The following HERC2 variants were observed in gnomAD, a reference collection of about 807,000 sequenced individuals.
HERC2 encodes the protein E3 ubiquitin-protein ligase HERC2.
A neutral mutation model predicts 537.7 loss-of-function variants in HERC2; 102 were observed. The observed-to-expected ratio is 0.19, with a 90% CI of 0.16 to 0.22. The LOEUF (loss-of-function observed/expected upper bound fraction) is 0.22, where lower values mean the gene tolerates loss of function less well. Ranked by LOEUF, HERC2 falls within the 10% of genes least tolerant of loss-of-function variation. The pLI, the probability that HERC2 is intolerant of heterozygous loss-of-function variation, is 1.00. For synonymous variants in HERC2, 2,224 were observed against 2,466.2 expected (o/e 0.90, Z 2.91); for missense variants, 4,236 against 6,198.2 (o/e 0.68, Z 10.63).
chr15:28,112,165 C>A, intron 92 of HERC2, 130 bp from the exon 93 acceptor site: 1 of 866,740 alleles, frequency 1.2e-6, no homozygotes, highest in Non-Finnish European at 1.8e-6. Flanking sequence ...AAACATAATC[C>A]AAACAACTTT....
chr15:28,123,221 G>C (rs796900176), intron 85 of HERC2, among the ~76,000 whole-genome samples: 1 of 152,118 alleles, frequency 6.6e-6, no homozygotes, highest in Non-Finnish European at 1.5e-5. Flanking sequence ...AAACAAAGCC[G>C]GTCTTTAAAA....
At position 28,163,101 on chromosome 15, in the gene HERC2, T is replaced by G. The variant is rs1472821244; in HGVS notation, c.10739A>C (p.Tyr3580Ser). The G allele has an allele frequency of 1.2e-6, 2 of 1,608,924 alleles. No individual in the cohort carries two copies. The highest frequency in any genetic ancestry group is 1.3e-5 in the African/African-American group (1 of 74,816). ...GCCCTCCCTGAGACTCACCTGTGGG[T>G]AGGCGGTCCCCATGCCGGAAAGCAC... ...SAVLSGMGTA[Y>S]PQVADMLLEL... The change falls in exon 69 of 93, where the codon TAC (tyrosine) becomes TCC (serine). Residue 3580 changes from tyrosine (Y) to serine (S), a missense_variant. Transcript: ENST00000261609.
chr15:28,215,789 C>A lies in HERC2; in HGVS notation c.6042G>T (p.Arg2014Ser). 6.2e-7 allele frequency: 1 copy of A among 1,609,328 alleles called. No homozygotes were observed. The highest frequency in any genetic ancestry group is 2.2e-5 in the East Asian group (1 of 44,874). ...TCCGGTGTTGCTCCCTGTACACCAG[C>A]CTGTTTGGAGAAGCTGCAGGAGGGA... The part of the protein sequence containing the change: ...GTTDKTSSPN[R>S]LVYREQHRSW... The change falls in exon 39 of 93, where the codon AGG (arginine) becomes AGT (serine). Residue 2014 changes from arginine (R) to serine (S), a missense_variant. By Grantham distance (110) the Arg-to-Ser change is moderately radical (BLOSUM62 -1). Around this residue, in one of 27 missense-constraint regions of HERC2, gnomAD observed 365 missense variants for 468.8 expected, o/e 0.78. Coordinates refer to ENST00000261609, the MANE Select transcript of HERC2 (RefSeq NM_004667.6).
chr15:28,154,771 A>T lies in HERC2; in HGVS notation c.10747-1941T>A, dbSNP rs191449967. Among the ~76,000 whole-genome samples, 1,216 of 152,194 alleles carry T rather than the reference A, an allele frequency of 8.0e-3. 9 individuals carry two copies. Among genetic ancestry groups the T allele is most frequent in the South Asian group, 0.02 (98 of 4,818 alleles). ...ATGCTCAGCATTATTTTATATATAT[A>T]TTTTTTTATTATACTTTAAGTTCTA... On this transcript the variant is annotated intron_variant, in intron 69 of 92. Coordinates refer to ENST00000261609, the MANE Select transcript of HERC2 (RefSeq NM_004667.6).
At chr15:28,276,305 C>T (rs989256697) in intron 5 of HERC2, among the ~76,000 whole-genome samples, 2 of 151,498 alleles carry the variant, frequency 1.3e-5, no homozygotes, top group East Asian at 1.9e-4. Context: ...CAACAGTACA[C>T]GCTTATCCAC....
At chr15:28,134,965 G>A (rs1237547720) in intron 79 of HERC2, among the ~76,000 whole-genome samples, 4 of 152,066 alleles carry the variant, frequency 2.6e-5, no homozygotes, top group African/African-American at 4.8e-5. Context: ...GAGCCACCAC[G>A]CCGGACCTGT....
intron 2 of HERC2, among the ~76,000 whole-genome samples, chr15:28,311,751 AG>A (rs1268273455): frequency 1.3e-5 from 2 of 152,116 alleles, no homozygotes; most frequent in African/African-American, 4.8e-5. Flanking sequence ...CCAAGCAGAG[AG>A]GGGAGACCCC....
chr15:28,225,351 C>G (rs1447910307), intron 35 of HERC2, among the ~76,000 whole-genome samples: 2 of 151,742 alleles, frequency 1.3e-5, no homozygotes, highest in Non-Finnish European at 2.9e-5. Flanking sequence ...ATAACAAAAC[C>G]AAAAGTTTGG....
chr15:28,114,303 C>A (rs914120944), intron 90 of HERC2, among the ~76,000 whole-genome samples: 1 of 152,226 alleles, frequency 6.6e-6, no homozygotes, highest in Non-Finnish European at 1.5e-5. Flanking sequence ...CAGCCCCAGA[C>A]ACAGCCCTGT....
At chr15:28,279,092 A>G (rs57186964) in intron 5 of HERC2, among the ~76,000 whole-genome samples, 12,174 of 152,212 alleles carry the variant, frequency 0.08, 1,660 homozygotes, top group African/African-American at 0.28. Context: ...CCCGGGATCA[A>G]GCAATTCTCC....
intron 70 of HERC2, among the ~76,000 whole-genome samples, chr15:28,152,189 G>A (rs1404300879): frequency 1.3e-5 from 2 of 152,352 alleles, no homozygotes; most frequent in Admixed American, 6.5e-5. Flanking sequence ...AGCAGCACAC[G>A]TGTCCAGTCA....
At chr15:28,304,259 C>G (rs958158068) in intron 2 of HERC2, among the ~76,000 whole-genome samples, 1 of 146,322 alleles carries the variant, frequency 6.8e-6, no homozygotes, top group Non-Finnish European at 1.5e-5. Flanking sequence ...TTTATCAGTT[C>G]TAATCATTTT....
chr15:28,192,271 G>C (rs1318589379), intron 52 of HERC2, 120 bp from the exon 53 acceptor site: 5 of 846,492 alleles, frequency 5.9e-6, no homozygotes, highest in Non-Finnish European at 8.9e-6. Flanking sequence ...CAAACTGAAA[G>C]GAGTTAATAA....
rs145076740 is a variant in HERC2, at chr15:28,129,326, C to T, written c.12802+837G>A. ...AGAGTCCTCTCCCACAGGAGCCACA[C>T]AGGACGAGCTTAACTGCCCCGGCAC... On this transcript the variant is annotated intron_variant, in intron 83 of 92. Coordinates refer to ENST00000261609, the MANE Select transcript of HERC2 (RefSeq NM_004667.6). Among the ~76,000 whole-genome samples the T allele has an allele frequency of 4.8e-3, 736 of 152,334 alleles. 11 individuals carry two copies. The highest frequency in any genetic ancestry group is 4.1e-3 in the Non-Finnish European group (279 of 68,036).
In HERC2 at chr15:28,130,248, C is replaced by A. The variant is rs750146423; in HGVS notation, c.12717G>T (p.Arg4239Ser). ...CCTGCAACCCTTGGACCTGCCGAGG[C>A]CTTCGAACATGGTCATCTGATCCAT... ...LGHGSDDHVR[R>S]PRQVQGLQGK... The change falls in exon 83 of 93, where the codon AGG becomes AGT. Residue 4239 changes from arginine to serine, a missense_variant. Arg to Ser is a moderately radical substitution (Grantham distance 110). This residue lies in a region of HERC2 where 189 missense variants were observed against 255.7 expected (regional missense o/e 0.74). Transcript: ENST00000261609. The A allele has an allele frequency of 6.2e-7, 1 of 1,614,162 alleles. No homozygotes were observed. The highest frequency in any genetic ancestry group is 1.1e-5 in the South Asian group (1 of 91,082).
At chr15:28,239,664 C>T (rs945197662) in intron 23 of HERC2, among the ~76,000 whole-genome samples, 2 of 146,126 alleles carry the variant, frequency 1.4e-5, no homozygotes, top group South Asian at 2.4e-4. Context: ...GACATAACAC[C>T]GCCCCAACGA....
intron 35 of HERC2, among the ~76,000 whole-genome samples, chr15:28,226,542 C>G (rs554580166): frequency 6.6e-6 from 1 of 152,058 alleles, no homozygotes; most frequent in Non-Finnish European, 1.5e-5. Flanking sequence ...TTGAAACAAT[C>G]AGATCATCAA....
At chr15:28,182,946 C>G (rs1052023228) in intron 56 of HERC2, among the ~76,000 whole-genome samples, 1 of 152,212 alleles carries the variant, frequency 6.6e-6, no homozygotes, top group Non-Finnish European at 1.5e-5. Flanking sequence ...CAAATCTAGA[C>G]AGCTGTTTGG....
chr15:28,280,212 G>A lies in HERC2; in HGVS notation c.398C>T (p.Thr133Ile). Residue 133 changes from threonine (T) to isoleucine (I), a missense_variant, in exon 5 of 93, where the codon ACC (threonine) becomes ATC (isoleucine). Transcript: ENST00000261609. ...CTTGAGTCGCAGGGCTGAGAGGGTG[G>A]TGGTGGCTGACTGGACGGCCAGGGC... is the stretch of plus-strand genomic sequence containing the variant. ...QQALAVQSAT[T>I]TLSALRLKQR... 1 of 1,614,162 alleles carries A rather than the reference G, an allele frequency of 6.2e-7. No homozygotes were observed. The highest frequency in any genetic ancestry group is 1.1e-5 in the South Asian group (1 of 91,080).
Sources: allele counts gnomAD v4.1 joint callset (sites outside exome capture counted in the v4.1 genomes callset), GRCh38; gene constraint gnomAD v4.1.1; regional missense constraint gnomAD v4.1.1; transcripts MANE v1.5; gene names NCBI Gene and HGNC (gene_info 2026-07-23, HGNC 2026-07-21).